The following STEAP3 variants were observed in gnomAD, a reference collection of about 807,000 sequenced individuals.
STEAP3 encodes the protein STEAP3 metalloreductase.
Under a neutral mutation model 34.9 loss-of-function variants are expected in STEAP3, and 35 were observed. The ratio of observed to expected loss-of-function variants is 1.00; its 90% confidence interval spans 0.76 to 1.33. STEAP3 has a LOEUF of 1.33. Ranked by LOEUF, STEAP3 falls within the 40% of genes most tolerant of loss-of-function variation. The pLI is 0.00. For synonymous variants in STEAP3, 281 were observed against 301.6 expected (o/e 0.93, Z 0.71); for missense variants, 652 against 667.6 (o/e 0.98, Z 0.26).
Position 119,252,077 on chromosome 2 carries a change from A to G in STEAP3, c.1051-2607A>G, listed in dbSNP as rs981349830. 1.1e-4 allele frequency among the ~76,000 whole-genome samples: 17 copies of G among 152,192 alleles called. 1 individual carries two copies. Among genetic ancestry groups the G allele is most frequent in the Admixed American group, 9.8e-4 (15 of 15,276 alleles). On this transcript the variant is annotated intron_variant, in intron 4 of 5. Coordinates refer to ENST00000393110, the MANE Select transcript of STEAP3 (RefSeq NM_182915.3). ...CTGATTTTTAAATTGGCCACCACAG[A>G]GCCAATATCAGGCATCTTAAGAGGA...
chr2:119,228,323 G>A (rs1200151373), intron 1 of STEAP3, among the ~76,000 whole-genome samples: 2 of 152,164 alleles, frequency 1.3e-5, no homozygotes, highest in African/African-American at 4.8e-5. Context: ...GTGAGGTCTG[G>A]CCTGCCCATT....
chr2:119,254,717 G>T lies in STEAP3; in HGVS notation c.1084G>T (p.Glu362Ter), dbSNP rs777166218. The change falls in exon 5 of 6, where the codon GAG (glutamate) becomes TAG (stop). Residue 362 changes from glutamate (E) to a stop codon, truncating the protein, a stop_gained. Coordinates refer to ENST00000393110, the MANE Select transcript of STEAP3 (RefSeq NM_182915.3). LOFTEE classifies it high-confidence loss of function. ...CAACAAGAGCCACCTCTGGGTGGAG[G>T]AGGAGGTCTGGCGGATGGAGATCTA... is the stretch of plus-strand genomic sequence containing the variant. ...LANKSHLWVE[E>*]EVWRMEIYLS... 8 of 1,614,004 alleles carry T rather than the reference G, an allele frequency of 5.0e-6. No homozygotes were observed. Among genetic ancestry groups the T allele is most frequent in the Non-Finnish European group, 5.9e-6 (7 of 1,180,008 alleles).
intron 2 of STEAP3, among the ~76,000 whole-genome samples, chr2:119,233,920 T>A (rs1306114421): frequency 6.6e-6 from 1 of 152,136 alleles, no homozygotes; most frequent in East Asian, 1.9e-4. Flanking sequence ...GAGAAGTGGC[T>A]ACATGACTCT....
chr2:119,227,663 T>A (rs956077742), intron 1 of STEAP3, among the ~76,000 whole-genome samples: 1 of 152,140 alleles, frequency 6.6e-6, no homozygotes, highest in Admixed American at 6.5e-5. Context: ...TAAAGCCGAC[T>A]TCGGTACATA....
At chr2:119,246,181 G>T in intron 3 of STEAP3, 193 bp downstream of exon 3, 1 of 805,908 alleles carries the variant, frequency 1.2e-6, no homozygotes, top group East Asian at 2.8e-5. Flanking sequence ...TAGCTGGTAA[G>T]TTGGGATTTG....
At chr2:119,246,255 G>T in intron 3 of STEAP3, 2 of 456,042 alleles carry the variant, frequency 4.4e-6, no homozygotes, top group Non-Finnish European at 7.8e-6. Flanking sequence ...TTTCCTAGAG[G>T]GCAAGGAGGA....
At chr2:119,232,461 C>A (rs930807029) in intron 2 of STEAP3, among the ~76,000 whole-genome samples, 1 of 152,208 alleles carries the variant, frequency 6.6e-6, no homozygotes, top group Non-Finnish European at 1.5e-5. Flanking sequence ...TGCAGCTGTG[C>A]CCATGCCAGG....
In STEAP3 at chr2:119,245,451, G is replaced by A. The variant is rs759866639; in HGVS notation, c.23-38G>A. 5.2e-6 allele frequency: 8 copies of A among 1,543,992 alleles called. No homozygotes were observed. In the East Asian group the frequency reaches 1.8e-4, roughly 35 times the overall value. On this transcript the variant is annotated intron_variant, in intron 2 of 5. Coordinates refer to ENST00000393110, the MANE Select transcript of STEAP3 (RefSeq NM_182915.3). ...GGAGGTGGCAGAAGGGGCAGTCCAG[G>A]AGCCCTCCACTGACCAGGTTCCTGA...
At chr2:119,261,157 A>G (rs1262006384) in intron 5 of STEAP3, among the ~76,000 whole-genome samples, 3 of 152,168 alleles carry the variant, frequency 2.0e-5, no homozygotes, top group Non-Finnish European at 4.4e-5. Context: ...AGGGACACAC[A>G]CACACACACA....
At chr2:119,253,142 G>C (rs928650314) in intron 4 of STEAP3, among the ~76,000 whole-genome samples, 5 of 152,142 alleles carry the variant, frequency 3.3e-5, no homozygotes, top group Non-Finnish European at 5.9e-5. Context: ...GCAAAATCAA[G>C]AGAATTTCAG....
intron 1 of STEAP3, among the ~76,000 whole-genome samples, chr2:119,230,382 T>C (rs1479028733): frequency 1.3e-5 from 2 of 152,012 alleles, no homozygotes; most frequent in Non-Finnish European, 2.9e-5. Flanking sequence ...TCTGTCCGTC[T>C]TTCTCCCCAC....
chr2:119,227,118 G>A (rs192634709), intron 1 of STEAP3, among the ~76,000 whole-genome samples: 10 of 152,246 alleles, frequency 6.6e-5, no homozygotes, highest in East Asian at 3.9e-4. Context: ...ACAAACACCC[G>A]TGCCCTCTGC....
rs373169816 is a variant in STEAP3, at chr2:119,235,082, G to A, written c.22+4048G>A. ...ATCCTCCCAGTCAGGGTGTTAGGGG[G>A]CTCCTGGATCCCCAAGATCTTCATG... On this transcript the variant is annotated intron_variant, in intron 2 of 5. Transcript: ENST00000393110. 5.9e-5 allele frequency among the ~76,000 whole-genome samples: 9 copies of A among 152,298 alleles called. No individual in the cohort carries two copies. In the East Asian group the frequency reaches 1.4e-3, roughly 23 times the overall value.
Position 119,265,485 on chromosome 2 carries a change from T to C in STEAP3, c.*2147T>C, listed in dbSNP as rs1354006259. On this transcript the variant is annotated 3_prime_UTR_variant, in exon 6 of 6. Transcript: ENST00000393110. ...CATCTCCACAGCCTGGTAAATTCCA[T>C]GTGCCTCTGGGTACAAAAGTGCCTC... The C allele has an allele frequency of 6.6e-6, 1 of 152,132 alleles. No homozygotes were observed. The highest frequency in any genetic ancestry group is 1.5e-5 in the Non-Finnish European group (1 of 68,038). 9.4% of individuals were successfully genotyped at this position (152,132 alleles called of 1,614,324 possible).
At chr2:119,237,070 C>T (rs1284672103) in intron 2 of STEAP3, among the ~76,000 whole-genome samples, 2 of 152,180 alleles carry the variant, frequency 1.3e-5, no homozygotes, top group Non-Finnish European at 2.9e-5. Flanking sequence ...AGCCACTGTG[C>T]TAGTGTGGTC....
intron 2 of STEAP3, among the ~76,000 whole-genome samples, chr2:119,236,751 G>C (rs189402810): frequency 6.6e-6 from 1 of 152,106 alleles, no homozygotes; most frequent in Non-Finnish European, 1.5e-5. Flanking sequence ...AGCAGCAGAC[G>C]GTGCCTCCCC....
At chr2:119,238,887 C>T (rs1328892760) in intron 2 of STEAP3, among the ~76,000 whole-genome samples, 1 of 152,170 alleles carries the variant, frequency 6.6e-6, no homozygotes, top group Non-Finnish European at 1.5e-5. Context: ...CACAGAACCT[C>T]TACAGTGTGC....
rs551835660 is a variant in STEAP3, at chr2:119,227,340, T to C, written c.-393-3280T>C. 2.0e-5 allele frequency among the ~76,000 whole-genome samples: 3 copies of C among 152,322 alleles called. No homozygotes were observed. In the South Asian group the frequency reaches 6.2e-4, roughly 32 times the overall value. ...GTCACTTCAACCCAGGGGCAGAGTG[T>C]GTTCCTCTTCAGGTGTGGCCTGGTC... On this transcript the variant is annotated intron_variant, in intron 1 of 5. Coordinates refer to ENST00000393110, the MANE Select transcript of STEAP3 (RefSeq NM_182915.3).
chr2:119,224,559 G>A (rs753501242), intron 1 of STEAP3, among the ~76,000 whole-genome samples: 1 of 152,212 alleles, frequency 6.6e-6, no homozygotes. Flanking sequence ...TGGTCACTCT[G>A]GGTAAATGAA....
Sources: gnomAD v4.1 joint callset for allele counts (sites outside exome capture counted in the v4.1 genomes callset) on GRCh38, gnomAD v4.1.1 for gene constraint, MANE v1.5 for transcripts, NCBI Gene and HGNC (gene_info 2026-07-23, HGNC 2026-07-21) for gene names.